SLC4A2: variants seen among roughly 807,000 people sequenced by gnomAD.
The protein encoded by SLC4A2 is solute carrier family 4 member 2.
SLC4A2 carries 36 observed loss-of-function variants against 115.0 expected under a neutral mutation model. That is an observed-to-expected ratio of 0.31 (90% CI 0.24 to 0.41). The LOEUF is 0.41. SLC4A2 is among the 10% of genes least tolerant of loss of function. SLC4A2 has a pLI of 1.00. For synonymous variants in SLC4A2, 708 were observed against 708.3 expected (o/e 1.00, Z 0.01); for missense variants, 1,252 against 1,705.6 (o/e 0.73, Z 4.68).
rs755491790 is a variant in SLC4A2 at position 151,076,301 on chromosome 7, G to A, written c.3660G>A (p.Glu1220=). 1 of 1,553,660 alleles carries A rather than the reference G, an allele frequency of 6.4e-7. No homozygotes were observed. The highest frequency in any genetic ancestry group is 8.7e-7 in the Non-Finnish European group (1 of 1,147,440). The part of the protein sequence containing the change: ...DREMKCLDAN[E]AEPVFDEREG... ...CCCACACACAGCTGGATGCTAACGA[G>A]GCAGAGCCGGTGTTTGATGAGCGGG... Residue 1220 remains glutamate, a synonymous_variant, in exon 23 of 23, where the codon GAG becomes GAA. Transcript: ENST00000413384.
chr7:151,066,973 G>GC lies in SLC4A2; in HGVS notation c.952dup (p.His318ProfsTer5). 1.9e-6 allele frequency: 3 copies of GC among 1,604,988 alleles called. No individual in the cohort carries two copies. Among genetic ancestry groups the GC allele is most frequent in the Non-Finnish European group, 8.5e-7 (1 of 1,176,872 alleles). Reference sequence around the variant, plus strand: ...CCCCACACCTCGGGCCCGACCCCGGGCCCCCCACAAGCCCCATGAGGTACC... The same window carrying GC: ...CCCCACACCTCGGGCCCGACCCCGGGCCCCCCCACAAGCCCCATGAGGTACC... On this transcript the variant is annotated frameshift_variant, in exon 7 of 23. Transcript: ENST00000413384. LOFTEE classifies it high-confidence loss of function.
In SLC4A2 at chr7:151,076,486, T is replaced by C; in HGVS notation, c.*119T>C. On this transcript the variant is annotated 3_prime_UTR_variant, in exon 23 of 23. Coordinates refer to ENST00000413384, the MANE Select transcript of SLC4A2 (RefSeq NM_003040.4). ...AAGTGAATAATTTAAAGTCTTCTCC[T>C]CCCCCACTGCCCCTGCAGTAAAGTG... 1.2e-6 allele frequency: 1 copy of C among 852,668 alleles called. No individual in the cohort carries two copies. The highest frequency in any genetic ancestry group is 1.7e-6 in the Non-Finnish European group (1 of 580,784). 52.8% of individuals were successfully genotyped at this position (852,668 alleles called of 1,614,324 possible).
chr7:151,068,243 G>C (rs111989116), intron 8 of SLC4A2, among the ~76,000 whole-genome samples, 189 bp downstream of exon 8: 1 of 152,234 alleles, frequency 6.6e-6, no homozygotes, highest in Non-Finnish European at 1.5e-5. Context: ...AACTGAAGCC[G>C]ATGTGTTTTG....
chr7:151,072,835 ATTT>A (rs1797486920), intron 16 of SLC4A2, among the ~76,000 whole-genome samples: 1 of 150,458 alleles, frequency 6.6e-6, no homozygotes, highest in Admixed American at 6.6e-5. Context: ...AATTTTTTGT[ATTT>A]TTTTAGTAGA....
Position 151,070,901 on chromosome 7 carries a change from T to A in SLC4A2, c.1739T>A (p.Met580Lys), listed in dbSNP as rs768907411. The A allele has an allele frequency of 1.2e-6, 2 of 1,612,948 alleles. No homozygotes were observed. The highest frequency in any genetic ancestry group is 1.7e-6 in the Non-Finnish European group (2 of 1,179,974). Residue 580 changes from methionine to lysine, a missense_variant, in exon 12 of 23, where the codon ATG becomes AAG. By Grantham distance (95) the Met-to-Lys change is moderately conservative. This residue lies in a region of SLC4A2 where 87 missense variants were observed against 170.3 expected (regional missense o/e 0.51). Coordinates refer to ENST00000413384, the MANE Select transcript of SLC4A2 (RefSeq NM_003040.4). ...HEIGRSISTL[M>K]SDKQFHEAAY... ...ATCGGCCGCTCCATCTCCACCCTCA[T>A]GTCAGACAAGGTCAGCTACCCTCCT...
rs1331885639 is a variant in SLC4A2 at position 151,074,749 on chromosome 7, G to T, written c.2955G>T (p.Glu985Asp). 6.2e-7 allele frequency: 1 copy of T among 1,613,834 alleles called. No individual in the cohort carries two copies. The highest frequency in any genetic ancestry group is 8.5e-7 in the Non-Finnish European group (1 of 1,179,940). Residue 985 changes from glutamate to aspartate, a missense_variant, in exon 19 of 23, where the codon GAG (glutamate) becomes GAT (aspartate). Around this residue, in one of 14 missense-constraint regions of SLC4A2, gnomAD observed 253 missense variants for 407.4 expected, o/e 0.62. Coordinates refer to ENST00000413384, the MANE Select transcript of SLC4A2 (RefSeq NM_003040.4). Reference sequence around the variant, plus strand: ...GCTGGGTCATCAACCCCCTGGGAGAGAAGAGCCCCTTCCCTGTGTGGATGA... The same window carrying T: ...GCTGGGTCATCAACCCCCTGGGAGATAAGAGCCCCTTCCCTGTGTGGATGA... ...KRGWVINPLG[E>D]KSPFPVWMMV...
chr7:151,062,722 G>T (rs35099388), intron 2 of SLC4A2: 37 of 1,411,980 alleles, frequency 2.6e-5, no homozygotes, highest in Non-Finnish European at 3.3e-5. Flanking sequence ...GCCTCTCCCC[G>T]TCCCCTCGTC....
intron 7 of SLC4A2, 122 bp downstream of exon 7, chr7:151,067,115 G>A: frequency 1.9e-6 from 2 of 1,056,450 alleles, no homozygotes; most frequent in African/African-American, 1.6e-5. Context: ...GTTTGAGACA[G>A]TCTCGCTCTG....
Position 151,072,139 on chromosome 7 carries a change from G to A in SLC4A2, c.2535+3G>A, listed in dbSNP as rs1351358839. 3.1e-6 allele frequency: 5 copies of A among 1,612,020 alleles called. No individual in the cohort carries two copies. The African/African-American group carries it at 4.0e-5, about 13-fold the overall frequency. ...AGACCTTCTACAAGCTGGTGAAGGTGGGCAGGCCCCTGCCGAGAGCTGGGC... is the reference window on the plus strand; with the variant it reads ...AGACCTTCTACAAGCTGGTGAAGGTAGGCAGGCCCCTGCCGAGAGCTGGGC... On this transcript the variant is annotated splice_donor_region_variant and intron_variant, in intron 16 of 22. Coordinates refer to ENST00000413384, the MANE Select transcript of SLC4A2 (RefSeq NM_003040.4).
At chr7:151,070,660 C>T (rs1797404367) in intron 11 of SLC4A2, 67 bp from the exon 12 acceptor site, 1 of 1,603,078 alleles carries the variant, frequency 6.2e-7, no homozygotes, top group Non-Finnish European at 8.5e-7. Flanking sequence ...TTGGTGCCAC[C>T]CTGGGCGAGG....
At position 151,074,030 on chromosome 7, in the gene SLC4A2, T is replaced by C. The variant is rs763911309; in HGVS notation, c.2536-9T>C. 3 of 1,559,438 alleles carry C rather than the reference T, an allele frequency of 1.9e-6. No homozygotes were observed. Among genetic ancestry groups the C allele is most frequent in the Non-Finnish European group, 8.7e-7 (1 of 1,149,542 alleles). ...AGCTGATGGAGGCCGTGTGGCCTCC[T>C]CTCCCCAGATCTTCCAGGAGCACCC... On this transcript the variant is annotated splice_polypyrimidine_tract_variant and intron_variant, in intron 16 of 22. Transcript: ENST00000413384.
intron 1 of SLC4A2, 58 bp from the exon 2 acceptor site, chr7:151,061,867 G>C (rs182361322): frequency 4.0e-5 from 35 of 868,112 alleles, no homozygotes; most frequent in Admixed American, 8.7e-5. Context: ...CAGCCTGCGC[G>C]TGGTGGCTCC....
At chr7:151,062,703 G>A in intron 2 of SLC4A2, 1 of 1,468,528 alleles carries the variant, frequency 6.8e-7, no homozygotes, top group Non-Finnish European at 9.0e-7. Context: ...ATGGCGGCAA[G>A]CTCCCTGCGC....
chr7:151,062,958 A>G (rs1797102499), intron 2 of SLC4A2: 19 of 1,405,830 alleles, frequency 1.4e-5, no homozygotes, highest in Middle Eastern at 2.6e-4. Flanking sequence ...TGGCACCGCT[A>G]TGGAGGGGGC....
intron 8 of SLC4A2, among the ~76,000 whole-genome samples, chr7:151,069,185 T>TTTAGAA (rs1797344528): frequency 7.5e-6 from 1 of 133,796 alleles, no homozygotes; most frequent in Admixed American, 8.3e-5. Context: ...GAAACCGGCT[T>TTTAGAA]TTAGAATTGT....
rs751878390 is a variant in SLC4A2, at chr7:151,071,792, C to A, written c.2295C>A (p.Ile765=). Residue 765 remains isoleucine, a synonymous_variant, in exon 15 of 23, where the codon ATC becomes ATA. Transcript: ENST00000413384. The surrounding 1 kb of genome is among the most constrained non-coding windows in gnomAD (Gnocchi z 5.5). ...CLLGAQPLLV[I]GFSGPLLVFE... is the part of the protein sequence containing the mutation. ...TGGGTGCCCAGCCCCTGTTGGTGAT[C>A]GGCTTCTCAGGGCCCCTGCTGGTCT... 2 of 1,611,334 alleles carry A rather than the reference C, an allele frequency of 1.2e-6. No individual in the cohort carries two copies. Among genetic ancestry groups the A allele is most frequent in the Admixed American group, 1.7e-5 (1 of 59,700 alleles).
chr7:151,060,622 C>T lies in SLC4A2; in HGVS notation c.-64+860C>T, dbSNP rs1469097010. Among the ~76,000 whole-genome samples, 2 of 152,062 alleles carry T rather than the reference C, an allele frequency of 1.3e-5. No homozygotes were observed. Among genetic ancestry groups the T allele is most frequent in the Non-Finnish European group, 2.9e-5 (2 of 67,992 alleles). Reference sequence around the variant, plus strand: ...GGGGGTGCAGAGGAGTGTGGAGGAGCGCGACGAGGGCACAGCCTGAGGTGG... The same window carrying T: ...GGGGGTGCAGAGGAGTGTGGAGGAGTGCGACGAGGGCACAGCCTGAGGTGG... On this transcript the variant is annotated intron_variant, in intron 1 of 22. Transcript: ENST00000413384. The surrounding 1 kb of genome is among the most constrained non-coding windows in gnomAD (Gnocchi z 5.9).
At position 151,061,947 on chromosome 7, in the gene SLC4A2, C is replaced by T. The variant is rs1329713212; in HGVS notation, c.-41C>T. 1.3e-6 allele frequency: 2 copies of T among 1,599,434 alleles called. No homozygotes were observed. Among genetic ancestry groups the T allele is most frequent in the South Asian group, 2.2e-5 (2 of 89,942 alleles). Reference sequence around the variant, plus strand: ...CAGGTTATGCCTCCGCCTCGTTGCCCTGAAAGCCGCAGCGACAGCGAAAAG... The same window carrying T: ...CAGGTTATGCCTCCGCCTCGTTGCCTTGAAAGCCGCAGCGACAGCGAAAAG... On this transcript the variant is annotated 5_prime_UTR_variant, in exon 2 of 23. Transcript: ENST00000413384.
upstream of SLC4A2, chr7:151,058,318 C>T (rs1472111430): frequency 9.9e-6 from 2 of 201,990 alleles, no homozygotes; most frequent in Middle Eastern, 2.0e-3. Context: ...CGGCCTAGAT[C>T]CCGGGCACTG....
Sources: allele counts gnomAD v4.1 joint callset (sites outside exome capture counted in the v4.1 genomes callset), GRCh38; gene constraint gnomAD v4.1.1; regional missense constraint gnomAD v4.1.1; non-coding constraint Gnocchi (gnomAD v3.1); transcripts MANE v1.5; gene names NCBI Gene and HGNC (gene_info 2026-07-23, HGNC 2026-07-21).